The following ASB8 variants were observed in gnomAD, a reference collection of about 807,000 sequenced individuals.
ASB8 encodes the protein ankyrin repeat and SOCS box containing 8.
A neutral mutation model predicts 22.9 loss-of-function variants in ASB8; 15 were observed. That is an observed-to-expected ratio of 0.66 (90% CI 0.44 to 1.01). The LOEUF is 1.01. ASB8 is among the 50% of genes least tolerant of loss of function. The pLI is 0.00. For missense variants in ASB8, 294 were observed against 356.9 expected (o/e 0.82, Z 1.42); for synonymous variants, 124 against 140.8 (o/e 0.88, Z 0.84).
chr12:48,153,593 C>T, intron 1 of ASB8, 64 bp from the exon 2 acceptor site: 1 of 1,334,638 alleles, frequency 7.5e-7, no homozygotes, highest in South Asian at 1.3e-5. Flanking sequence ...AGGGTTAGGT[C>T]TTCTCTGAGG....
In ASB8 at chr12:48,153,414, G is replaced by A; in HGVS notation, c.83C>T (p.Ala28Val). The change falls in exon 2 of 4, where the codon GCC becomes GTC. Residue 28 changes from alanine to valine, a missense_variant. Coordinates refer to ENST00000317697, the MANE Select transcript of ASB8 (RefSeq NM_024095.5). ...ATTATCATGTGGGAAGGAACGGATG[G>A]CAGCAATTGTTCGGATTAAGCGCTC... ...LSERLIRTIA[A>V]IRSFPHDNVE... is the part of the protein sequence containing the mutation. The A allele has an allele frequency of 6.2e-7, 1 of 1,613,898 alleles. No homozygotes were observed. The highest frequency in any genetic ancestry group is 1.7e-5 in the Admixed American group (1 of 60,028).
chr12:48,156,910 C>G (rs1218172997), intron 1 of ASB8, among the ~76,000 whole-genome samples: 1 of 150,056 alleles, frequency 6.7e-6, no homozygotes, highest in Non-Finnish European at 1.5e-5. Flanking sequence ...TCTGCTAGAG[C>G]TGAAAGCCCT....
rs978834302 is a variant in ASB8 at position 48,149,830 on chromosome 12, G to A, written c.403C>T (p.Arg135Trp). Residue 135 changes from arginine (R) to tryptophan (W), a missense_variant, in exon 4 of 4, where the codon CGG (arginine) becomes TGG (tryptophan). Coordinates refer to ENST00000317697, the MANE Select transcript of ASB8 (RefSeq NM_024095.5). Reference protein sequence around the residue: ...AAFKNNAECVRALLESGASVN... With the variant: ...AAFKNNAECVWALLESGASVN... ...GAGGCCCCGCTCTCTAGGAGAGCCC[G>A]CACACACTCAGCATTGTTCTTAAAG... 6.8e-6 allele frequency: 11 copies of A among 1,614,108 alleles called. No homozygotes were observed. The highest frequency in any genetic ancestry group is 1.7e-4 in the Middle Eastern group (1 of 6,058).
chr12:48,154,810 G>A (rs1330565831), intron 1 of ASB8, among the ~76,000 whole-genome samples: 2 of 151,950 alleles, frequency 1.3e-5, no homozygotes, highest in African/African-American at 2.4e-5. Context: ...GCATGGTGGC[G>A]CACGCCTGTA....
intron 2 of ASB8, chr12:48,151,709 T>TG (rs1405107758): frequency 9.0e-7 from 1 of 1,113,426 alleles, no homozygotes; most frequent in Non-Finnish European, 1.2e-6. Flanking sequence ...AGGCCAGAAA[T>TG]GGCATGCTCT....
At chr12:48,155,753 A>G (rs2136083330) in intron 1 of ASB8, among the ~76,000 whole-genome samples, 1 of 139,536 alleles carries the variant, frequency 7.2e-6, no homozygotes, top group African/African-American at 2.7e-5. Flanking sequence ...ATATATATAT[A>G]TATATGTATA....
At chr12:48,151,580 G>A (rs1201696431) in intron 2 of ASB8, 2 of 1,472,834 alleles carry the variant, frequency 1.4e-6, no homozygotes, top group African/African-American at 1.4e-5. Flanking sequence ...CATCACTGAA[G>A]ACAATCTTAT....
chr12:48,148,668 T>TTTG lies in ASB8; in HGVS notation c.*697_*698insCAA, dbSNP rs1565924557. On this transcript the variant is annotated 3_prime_UTR_variant, in exon 4 of 4. Coordinates refer to ENST00000317697, the MANE Select transcript of ASB8 (RefSeq NM_024095.5). Reference sequence around the variant, plus strand: ...AGATCAATTAAAATGGTTTTTTTTTTTTTTTTTTTTTTTTGAGACAGTTTT... The same window carrying TTTG: ...AGATCAATTAAAATGGTTTTTTTTTTTTGTTTTTTTTTTTTTTGAGACAGTTTT... 1 of 146,208 alleles carries TTTG rather than the reference T, an allele frequency of 6.8e-6. No individual in the cohort carries two copies. Among genetic ancestry groups the TTTG allele is most frequent in the Non-Finnish European group, 1.5e-5 (1 of 66,410 alleles). The allele number at this position is 146,208 out of a possible 1,614,324, so 9.1% of individuals were successfully genotyped here. A position where few individuals can be genotyped will look rare whatever the true frequency, so the allele number is the denominator to read the frequency against.
intron 3 of ASB8, among the ~76,000 whole-genome samples, chr12:48,150,328 A>C (rs1456231353): frequency 1.3e-5 from 2 of 152,196 alleles, no homozygotes. Context: ...GAATAGAGGA[A>C]GTCTAAGTCC....
intron 1 of ASB8, among the ~76,000 whole-genome samples, chr12:48,155,664 C>T (rs1255402932): frequency 4.8e-5 from 7 of 145,706 alleles, no homozygotes; most frequent in Non-Finnish European, 9.0e-5. Flanking sequence ...TGGGAGGTGG[C>T]GGTTGCAGTG....
Position 48,148,983 on chromosome 12 carries a change from G to T in ASB8, c.*383C>A, listed in dbSNP as rs1951149924. On this transcript the variant is annotated 3_prime_UTR_variant, in exon 4 of 4. Coordinates refer to ENST00000317697, the MANE Select transcript of ASB8 (RefSeq NM_024095.5). ...CTGGCCTAAAATGCTTTCTAGAAGG[G>T]ATTCTTCTGGACCGTTAACCACGTC... 4.9e-6 allele frequency: 1 copy of T among 203,482 alleles called. No individual in the cohort carries two copies. Among genetic ancestry groups the T allele is most frequent in the East Asian group, 1.3e-4 (1 of 7,726 alleles). The allele number at this position is 203,482 out of a possible 1,614,324, so 12.6% of individuals were successfully genotyped here.
Position 48,149,721 on chromosome 12 carries a change from A to G in ASB8, c.512T>C (p.Leu171Pro). 1 of 1,614,172 alleles carries G rather than the reference A, an allele frequency of 6.2e-7. No homozygotes were observed. The highest frequency in any genetic ancestry group is 8.5e-7 in the Non-Finnish European group (1 of 1,180,014). ...KGNLESVSIL[L>P]DYGAEVRVIN... ...GACTCTGACCTCTGCGCCATAATCCAGAAGGATGCTGACACTCTCAAGATT... is the reference window on the plus strand; with the variant it reads ...GACTCTGACCTCTGCGCCATAATCCGGAAGGATGCTGACACTCTCAAGATT... The change falls in exon 4 of 4, where the codon CTG becomes CCG. Residue 171 changes from leucine (L) to proline (P), a missense_variant. Transcript: ENST00000317697.
rs192182100 is a variant in ASB8, at chr12:48,149,005, C to A, written c.*361G>T. ...AGGGATTCTTCTGGACCGTTAACCA[C>A]GTCCCCAAAGGAAAACCACACACAC... On this transcript the variant is annotated 3_prime_UTR_variant, in exon 4 of 4. Coordinates refer to ENST00000317697, the MANE Select transcript of ASB8 (RefSeq NM_024095.5). 2.0e-5 allele frequency: 5 copies of A among 250,510 alleles called. No individual in the cohort carries two copies. In the East Asian group the frequency reaches 5.3e-4, roughly 27 times the overall value. The allele number at this position is 250,510 out of a possible 1,614,324, so 15.5% of individuals were successfully genotyped here.
In ASB8 at chr12:48,149,636, A is replaced by C. The variant is rs768299578; in HGVS notation, c.597T>G (p.Leu199=). ...AGCAAGAGTCCTCTTTCTCTGTTCC[A>C]AGTCCCCTGACTAGCAGAGCCACCA... The part of the protein sequence containing the change: ...SRLVALLVRG[L]GTEKEDSCFE... The change falls in exon 4 of 4, where the codon CTT becomes CTG. Residue 199 remains leucine (L), a synonymous_variant. Transcript: ENST00000317697. The C allele has an allele frequency of 6.8e-6, 11 of 1,614,138 alleles. No homozygotes were observed. The highest frequency in any genetic ancestry group is 5.9e-6 in the Non-Finnish European group (7 of 1,180,038).
rs181190435 is a variant in ASB8 at position 48,150,825 on chromosome 12, C to T, written c.234+376G>A. The T allele has an allele frequency of 1.7e-5, 5 of 299,542 alleles. No individual in the cohort carries two copies. In the East Asian group the frequency reaches 2.4e-4, roughly 14 times the overall value. The allele number at this position is 299,542 out of a possible 1,614,324, so 18.6% of individuals were successfully genotyped here. On this transcript the variant is annotated intron_variant, in intron 3 of 3. Transcript: ENST00000317697. ...AGATTTAATCAGAGTTGAGGGATCT[C>T]TGCATTTATATCTCCTGGATAGACA... is the stretch of plus-strand genomic sequence containing the variant.
intron 1 of ASB8, chr12:48,153,969 A>G (rs1951248160): frequency 6.4e-6 from 1 of 155,192 alleles, no homozygotes; most frequent in African/African-American, 2.4e-5. Context: ...AATCAACTGG[A>G]AGGCAAGGAC....
In ASB8 at chr12:48,149,487, G is replaced by A; in HGVS notation, c.746C>T (p.Thr249Ile). 1.9e-6 allele frequency: 3 copies of A among 1,614,218 alleles called. No homozygotes were observed. Among genetic ancestry groups the A allele is most frequent in the South Asian group, 2.2e-5 (2 of 91,090 alleles). ...KLTVLCSAPG[T>I]LKTLARYAVR... ...GGCATAGCGAGCGAGTGTTTTTAGA[G>A]TTCCTGGAGCTGAGCACAGAACAGT... Residue 249 changes from threonine to isoleucine, a missense_variant, in exon 4 of 4, where the codon ACT becomes ATT. Coordinates refer to ENST00000317697, the MANE Select transcript of ASB8 (RefSeq NM_024095.5).
intron 3 of ASB8, 171 bp from the exon 4 acceptor site, chr12:48,150,169 A>G (rs1335132298): frequency 2.7e-6 from 2 of 744,058 alleles, no homozygotes; most frequent in Admixed American, 2.0e-5. Flanking sequence ...ATATGACAGG[A>G]GCTTAGGAGC....
Position 48,149,341 on chromosome 12 carries a change from A to G in ASB8, c.*25T>C, listed in dbSNP as rs1416121499. On this transcript the variant is annotated 3_prime_UTR_variant, in exon 4 of 4. Coordinates refer to ENST00000317697, the MANE Select transcript of ASB8 (RefSeq NM_024095.5). ...GACAACCTCACCCAGAGCTGCCTGC[A>G]CGATGGTGCAAACATCTTCTCCGGC... 1.2e-6 allele frequency: 2 copies of G among 1,601,898 alleles called. No homozygotes were observed. The highest frequency in any genetic ancestry group is 8.5e-7 in the Non-Finnish European group (1 of 1,171,932).
Sources: gnomAD v4.1 joint callset for allele counts (sites outside exome capture counted in the v4.1 genomes callset) on GRCh38, gnomAD v4.1.1 for gene constraint, MANE v1.5 for transcripts, NCBI Gene and HGNC (gene_info 2026-07-23, HGNC 2026-07-21) for gene names.